The following ERCC3 variants were observed in gnomAD, a reference collection of about 807,000 sequenced individuals.
ERCC3 encodes general transcription and DNA repair factor IIH helicase/translocase subunit XPB.
In ERCC3, 66 loss-of-function variants were observed where a neutral mutation model predicts 94.2. The observed-to-expected ratio is 0.70, with a 90% CI of 0.57 to 0.86. The LOEUF (loss-of-function observed/expected upper bound fraction) is 0.86. Ranked by LOEUF, ERCC3 falls within the 40% of genes least tolerant of loss-of-function variation. The probability of loss-of-function intolerance (pLI) is 0.00; values close to 1 mark genes in which losing one functional copy is unlikely to be tolerated. For missense variants in ERCC3, 829 were observed against 987.1 expected (o/e 0.84, Z 2.15); for synonymous variants, 349 against 369.1 (o/e 0.95, Z 0.63).
intron 11 of ERCC3, 83 bp downstream of exon 11, chr2:127,272,782 A>T: frequency 3.4e-6 from 3 of 879,932 alleles, no homozygotes; most frequent in Non-Finnish European, 5.8e-6. Flanking sequence ...GCAGACATGA[A>T]TTCACTGTCC....
chr2:127,285,049 T>C (rs117110599), intron 8 of ERCC3, among the ~76,000 whole-genome samples: 1 of 152,244 alleles, frequency 6.6e-6, no homozygotes, highest in East Asian at 1.9e-4. Context: ...CCCAAAAAAC[T>C]ATACAGCAAT....
rs781006740 is a variant in ERCC3 at position 127,286,916 on chromosome 2, G to A, written c.1129C>T (p.Gln377Ter). 3 of 1,614,200 alleles carry A rather than the reference G, an allele frequency of 1.9e-6. No individual in the cohort carries two copies. The Admixed American group carries it at 5.0e-5, about 27-fold the overall frequency. The part of the protein sequence containing the change: ...SAVSVEQWKA[Q>*]FKMWSTIDDS... ...TCAATGGTGGACCACATCTTGAACT[G>A]GGCTTTCCACTGCTCCACAGAAACA... The change falls in exon 8 of 15, where the codon CAG becomes TAG. Residue 377 changes from glutamine (Q) to a stop codon, truncating the protein, a stop_gained. Transcript: ENST00000285398. LOFTEE classifies it high-confidence loss of function.
At chr2:127,289,636 C>A in intron 5 of ERCC3, 53 bp downstream of exon 5, 2 of 1,612,806 alleles carry the variant, frequency 1.2e-6, no homozygotes, top group South Asian at 1.1e-5. Flanking sequence ...CCTGAGAGAA[C>A]TGAAATCCTA....
intron 7 of ERCC3, among the ~76,000 whole-genome samples, chr2:127,287,913 C>T (rs1028767231): frequency 3.9e-5 from 6 of 152,116 alleles, no homozygotes; most frequent in Admixed American, 1.3e-4. Context: ...AACAGAGATC[C>T]TTCCTTTATT....
chr2:127,275,528 G>A (rs1684708543), intron 10 of ERCC3, among the ~76,000 whole-genome samples: 1 of 152,186 alleles, frequency 6.6e-6, no homozygotes, highest in South Asian at 2.1e-4. Flanking sequence ...TAACGTCCCT[G>A]CCCAAGCAGA....
chr2:127,264,821 T>C lies in ERCC3; in HGVS notation c.1946-3475A>G, dbSNP rs1684305366. Among the ~76,000 whole-genome samples, 2 of 152,032 alleles carry C rather than the reference T, an allele frequency of 1.3e-5. No individual in the cohort carries two copies. The highest frequency in any genetic ancestry group is 1.3e-4 in the Admixed American group (2 of 15,268). On this transcript the variant is annotated intron_variant, in intron 12 of 14. Transcript: ENST00000285398. This position sits in a 1 kb window ranked among gnomAD's most constrained non-coding sequence, Gnocchi z 4.4. Reference sequence around the variant, plus strand: ...TAGTTTCAGTAGAACTGAATACATCTGGTCCAGGACTTTTTTAGTTGGTAG... The same window carrying C: ...TAGTTTCAGTAGAACTGAATACATCCGGTCCAGGACTTTTTTAGTTGGTAG...
In ERCC3 at chr2:127,279,751, C is replaced by A. The variant is rs1440205719; in HGVS notation, c.1528-376G>T. On this transcript the variant is annotated intron_variant, in intron 9 of 14. Transcript: ENST00000285398. The surrounding 1 kb of genome is among the most constrained non-coding windows in gnomAD (Gnocchi z 4.7). ...CTCCAGCCTGGGTGACAGAGTGAGA[C>A]CCTGTTTTAAAAAAAAAAAAATGCT... is the stretch of plus-strand genomic sequence containing the variant. Among the ~76,000 whole-genome samples, 2 of 151,294 alleles carry A rather than the reference C, an allele frequency of 1.3e-5. No homozygotes were observed. Among genetic ancestry groups the A allele is most frequent in the Non-Finnish European group, 2.9e-5 (2 of 67,954 alleles).
Position 127,265,669 on chromosome 2 carries a change from G to C in ERCC3, c.1946-4323C>G, listed in dbSNP as rs566609302. 2.6e-5 allele frequency among the ~76,000 whole-genome samples: 4 copies of C among 152,234 alleles called. No homozygotes were observed. The East Asian group carries it at 7.7e-4, about 29-fold the overall frequency. ...CTTGACCTTGTAATCCGCCCACCTC[G>C]GCCTCCCAAAGTTCCAGGATTACAG... On this transcript the variant is annotated intron_variant, in intron 12 of 14. Transcript: ENST00000285398.
chr2:127,257,461 G>T lies in ERCC3; in HGVS notation c.*135C>A. The T allele has an allele frequency of 9.3e-7, 1 of 1,073,990 alleles. No homozygotes were observed. The highest frequency in any genetic ancestry group is 1.4e-6 in the Non-Finnish European group (1 of 689,796). The allele number at this position is 1,073,990 out of a possible 1,614,324, so 66.5% of individuals were successfully genotyped here. On this transcript the variant is annotated 3_prime_UTR_variant, in exon 15 of 15. Transcript: ENST00000285398. This position sits in a 1 kb window ranked among gnomAD's most constrained non-coding sequence, Gnocchi z 5.4. The stretch of plus-strand genomic sequence containing the variant: ...CCTATGAAGGCACAGCCAAGCCCTT[G>T]ATGCATCTTCCTCAGCACAATTTGG...
chr2:127,290,041 A>G, intron 4 of ERCC3, 183 bp downstream of exon 4: 1 of 761,788 alleles, frequency 1.3e-6, no homozygotes. Context: ...CTCCACTGCT[A>G]GAGGAAATAC....
rs1303099207 is a variant in ERCC3, at chr2:127,261,220, A to C, written c.2064+8T>G. ...CCTAGTCTAACCAGAAGCCAAATGG[A>C]TATGTACCTTGAAGCTATAACCTTG... On this transcript the variant is annotated splice_region_variant and intron_variant, in intron 13 of 14. Coordinates refer to ENST00000285398, the MANE Select transcript of ERCC3 (RefSeq NM_000122.2). 1 of 1,551,038 alleles carries C rather than the reference A, an allele frequency of 6.4e-7. No homozygotes were observed. The highest frequency in any genetic ancestry group is 8.9e-7 in the Non-Finnish European group (1 of 1,122,482).
intron 12 of ERCC3, among the ~76,000 whole-genome samples, chr2:127,266,405 G>A (rs1167473952): frequency 2.8e-5 from 4 of 141,548 alleles, no homozygotes; most frequent in African/African-American, 8.4e-5. Context: ...GCGCGATCTC[G>A]GCTCACTGCA....
intron 8 of ERCC3, among the ~76,000 whole-genome samples, chr2:127,282,739 G>GTT (rs986001915): frequency 2.6e-5 from 4 of 152,136 alleles, no homozygotes; most frequent in African/African-American, 9.7e-5. Flanking sequence ...ATCCCTTAGA[G>GTT]TTTGTTGGTT....
In ERCC3 at chr2:127,279,228, T is replaced by G. The variant is rs773507392; in HGVS notation, c.1675A>C (p.Ile559Leu). 6.2e-7 allele frequency: 1 copy of G among 1,613,850 alleles called. No homozygotes were observed. Among genetic ancestry groups the G allele is most frequent in the Non-Finnish European group, 8.5e-7 (1 of 1,179,716 alleles). The change falls in exon 10 of 15, where the codon ATT (isoleucine) becomes CTT (leucine). Residue 559 changes from isoleucine to leucine, a missense_variant. Ile to Leu is a conservative substitution (Grantham distance 5, BLOSUM62 2). Coordinates refer to ENST00000285398, the MANE Select transcript of ERCC3 (RefSeq NM_000122.2). The surrounding 1 kb of genome is among the most constrained non-coding windows in gnomAD (Gnocchi z 4.7). ...KFHERRNDKI[I>L]VFADNVFALK... ...GCAAACACATTGTCAGCAAAGACAATAATCTTGTCATTCCTCCTTTCATGA... is the reference window on the plus strand; with the variant it reads ...GCAAACACATTGTCAGCAAAGACAAGAATCTTGTCATTCCTCCTTTCATGA...
At chr2:127,265,481 C>G (rs551229401) in intron 12 of ERCC3, among the ~76,000 whole-genome samples, 15 of 152,046 alleles carry the variant, frequency 9.9e-5, no homozygotes, top group Non-Finnish European at 1.6e-4. Flanking sequence ...TGCAGAGGTG[C>G]GATCTCGGCT....
In ERCC3 at chr2:127,279,458, G is replaced by A; in HGVS notation, c.1528-83C>T. 2 of 1,105,342 alleles carry A rather than the reference G, an allele frequency of 1.8e-6. No homozygotes were observed. Among genetic ancestry groups the A allele is most frequent in the African/African-American group, 1.5e-5 (1 of 64,726 alleles). The allele number at this position is 1,105,342 out of a possible 1,614,324, so 68.5% of individuals were successfully genotyped here. A position where few individuals can be genotyped will look rare whatever the true frequency, so the allele number is the denominator to read the frequency against. ...AACTTTTGAAGACCTTTCTCTAGCA[G>A]AATTAGCTTTAAAACAAAACCAGTC... On this transcript the variant is annotated intron_variant, in intron 9 of 14. Coordinates refer to ENST00000285398, the MANE Select transcript of ERCC3 (RefSeq NM_000122.2). This position sits in a 1 kb window ranked among gnomAD's most constrained non-coding sequence, Gnocchi z 4.7.
chr2:127,261,672 G>T, intron 12 of ERCC3: 1 of 337,684 alleles, frequency 3.0e-6, no homozygotes, highest in Non-Finnish European at 5.7e-6. Context: ...AATATGAACA[G>T]ATTACTTCTC....
At chr2:127,273,023 T>C in intron 10 of ERCC3, 62 bp from the exon 11 acceptor site, 2 of 1,085,908 alleles carry the variant, frequency 1.8e-6, no homozygotes, top group Non-Finnish European at 2.9e-6. Flanking sequence ...TGAAAACACA[T>C]CAGAGGGAAA....
intron 11 of ERCC3, 71 bp downstream of exon 11, chr2:127,272,794 G>A (rs1276469074): frequency 1.1e-6 from 1 of 937,344 alleles, no homozygotes; most frequent in South Asian, 1.3e-5. Context: ...TCACTGTCCA[G>A]GAATCATAGT....
Sources: gnomAD v4.1 joint callset for allele counts (sites outside exome capture counted in the v4.1 genomes callset) on GRCh38, gnomAD v4.1.1 for gene constraint, Gnocchi (gnomAD v3.1) non-coding constraint, MANE v1.5 for transcripts, NCBI Gene and HGNC (gene_info 2026-07-23, HGNC 2026-07-21) for gene names.